Variants in C6orf89 observed in about 807,000 individuals in gnomAD.
The protein encoded by C6orf89 is bombesin receptor-activated protein C6orf89.
C6orf89 carries 29 observed loss-of-function variants against 40.7 expected under a neutral mutation model. That is an observed-to-expected ratio of 0.71 (90% CI 0.53 to 0.97). The LOEUF is 0.97. Among genes scored for constraint, C6orf89 ranks in the 50% least tolerant of loss-of-function variants. The pLI, the probability that C6orf89 is intolerant of heterozygous loss-of-function variation, is 0.00. For missense variants in C6orf89, 392 were observed against 429.1 expected, an observed-to-expected ratio of 0.91 and a Z score of 0.76; for synonymous variants, 165 against 152.2, an observed-to-expected ratio of 1.08 and a Z score of -0.62.
At chr6:36,894,626 A>G (rs1761355058) in intron 2 of C6orf89, 23 bp downstream of exon 2, 8 of 926,644 alleles carry the variant, frequency 8.6e-6, no homozygotes, top group Non-Finnish European at 1.0e-5. Flanking sequence ...GCATGCAACA[A>G]CCCTGAAGTC....
chr6:36,907,623 A>C (rs2150701784), intron 4 of C6orf89, among the ~76,000 whole-genome samples: 1 of 152,364 alleles, frequency 6.6e-6, no homozygotes, highest in East Asian at 1.9e-4. Flanking sequence ...TACAAGTTAT[A>C]AGCTTTATTG....
chr6:36,915,546 A>G (rs1160376637), intron 6 of C6orf89, among the ~76,000 whole-genome samples: 2 of 152,190 alleles, frequency 1.3e-5, no homozygotes, highest in Non-Finnish European at 2.9e-5. Context: ...GTTGGAGACC[A>G]GCCCAGGCAA....
At chr6:36,879,674 A>G (rs899144337) in intron 2 of C6orf89, among the ~76,000 whole-genome samples, 2 of 152,166 alleles carry the variant, frequency 1.3e-5, no homozygotes, top group African/African-American at 2.4e-5. Flanking sequence ...ACCTTAGGAT[A>G]AAACACGGGC....
Position 36,923,653 on chromosome 6 carries a change from G to A in C6orf89, c.*212G>A. The A allele has an allele frequency of 1.7e-6, 1 of 588,050 alleles. No homozygotes were observed. Among genetic ancestry groups the A allele is most frequent in the South Asian group, 1.7e-5 (1 of 57,494 alleles). The allele number at this position is 588,050 out of a possible 1,614,324, so 36.4% of individuals were successfully genotyped here. A position where few individuals can be genotyped will look rare whatever the true frequency, so the allele number is the denominator to read the frequency against. On this transcript the variant is annotated 3_prime_UTR_variant, in exon 9 of 9. Transcript: ENST00000480824. Reference sequence around the variant, plus strand: ...CTGCAGGTGGCTCAGGAAGGATTCAGCCTGGCCACTTGGCTAGGACTCTGC... The same window carrying A: ...CTGCAGGTGGCTCAGGAAGGATTCAACCTGGCCACTTGGCTAGGACTCTGC...
intron 8 of C6orf89, among the ~76,000 whole-genome samples, chr6:36,922,490 C>T (rs1019699997): frequency 2.6e-5 from 4 of 152,178 alleles, no homozygotes; most frequent in South Asian, 4.1e-4. Context: ...GTTTCCTAAA[C>T]GATTCTTCAG....
Position 36,926,374 on chromosome 6 carries a change from A to G in C6orf89, c.*2933A>G, listed in dbSNP as rs943455616. On this transcript the variant is annotated 3_prime_UTR_variant, in exon 9 of 9. Transcript: ENST00000480824. Reference sequence around the variant, plus strand: ...AGGGTGAAACCCCATCTCTACTAAAAATACAAAAATTACCCAGGCGTGATG... The same window carrying G: ...AGGGTGAAACCCCATCTCTACTAAAGATACAAAAATTACCCAGGCGTGATG... 6.6e-6 allele frequency: 1 copy of G among 151,996 alleles called. No homozygotes were observed. The highest frequency in any genetic ancestry group is 1.5e-5 in the Non-Finnish European group (1 of 68,012). 9.4% of individuals were successfully genotyped at this position (151,996 alleles called of 1,614,324 possible).
intron 1 of C6orf89, among the ~76,000 whole-genome samples, chr6:36,875,832 C>A (rs1774638190): frequency 6.6e-6 from 1 of 152,222 alleles, no homozygotes; most frequent in Non-Finnish European, 1.5e-5. Context: ...ACAGCTGGTG[C>A]ACTTGTGCTC....
At chr6:36,900,724 C>T (rs796270136) in intron 3 of C6orf89, among the ~76,000 whole-genome samples, 3 of 152,270 alleles carry the variant, frequency 2.0e-5, no homozygotes, top group African/African-American at 7.2e-5. Flanking sequence ...TGGTCTCGAA[C>T]TCCTGGGCTC....
At chr6:36,889,727 ATAGT>A (rs1445308653) in intron 1 of C6orf89, among the ~76,000 whole-genome samples, 1 of 152,242 alleles carries the variant, frequency 6.6e-6, no homozygotes, top group Non-Finnish European at 1.5e-5. Context: ...AAAAAATTTG[ATAGT>A]TAAGGAAACT....
At chr6:36,917,126 G>A (rs1041188371) in intron 7 of C6orf89, among the ~76,000 whole-genome samples, 5 of 152,174 alleles carry the variant, frequency 3.3e-5, no homozygotes, top group African/African-American at 1.2e-4. Context: ...TTGTGGATAA[G>A]GAAACTGAGT....
chr6:36,876,401 T>C (rs1774652357), intron 1 of C6orf89, among the ~76,000 whole-genome samples: 1 of 152,138 alleles, frequency 6.6e-6, no homozygotes, highest in Non-Finnish European at 1.5e-5. Flanking sequence ...AATACGTAGC[T>C]GTAGGAGCGT....
intron 1 of C6orf89, among the ~76,000 whole-genome samples, chr6:36,876,720 A>T (rs1774662144): frequency 7.6e-6 from 1 of 131,210 alleles, no homozygotes; most frequent in Admixed American, 7.7e-5. Flanking sequence ...GTGAAACTCC[A>T]TCTCAAAAAA....
chr6:36,898,205 C>A (rs1761513359), intron 2 of C6orf89, among the ~76,000 whole-genome samples: 2 of 152,092 alleles, frequency 1.3e-5, no homozygotes, highest in African/African-American at 4.8e-5. Context: ...ACCTCAGCTT[C>A]CCAGGTAGCT....
At chr6:36,888,862 A>G (rs75463189) in intron 1 of C6orf89, among the ~76,000 whole-genome samples, 8,883 of 152,254 alleles carry the variant, frequency 0.058, 327 homozygotes, top group Middle Eastern at 0.15. Flanking sequence ...GGAGGAGAAT[A>G]GTTTTTAAAT....
chr6:36,918,968 G>A (rs1023842826), intron 7 of C6orf89, among the ~76,000 whole-genome samples: 1 of 152,138 alleles, frequency 6.6e-6, no homozygotes, highest in African/African-American at 2.4e-5. Context: ...GTTTTTAATC[G>A]GTAGCATGGC....
intron 4 of C6orf89, among the ~76,000 whole-genome samples, chr6:36,908,703 G>C (rs1025795538): frequency 6.6e-6 from 1 of 152,244 alleles, no homozygotes; most frequent in African/African-American, 2.4e-5. Flanking sequence ...ATCACAGGCC[G>C]AGCAGCTTAA....
In C6orf89 at chr6:36,916,534, A is replaced by G; in HGVS notation, c.785A>G (p.Lys262Arg). 6.2e-7 allele frequency: 1 copy of G among 1,614,202 alleles called. No homozygotes were observed. The highest frequency in any genetic ancestry group is 8.5e-7 in the Non-Finnish European group (1 of 1,180,034). The change falls in exon 7 of 9, where the codon AAG becomes AGG. Residue 262 changes from lysine (K) to arginine (R), a missense_variant. Physicochemically the swap from Lys to Arg is conservative, Grantham distance 26. Coordinates refer to ENST00000480824, the MANE Select transcript of C6orf89 (RefSeq NM_001286635.2). ...TTTCCAAAAGATGCCTCTTTAAACA[A>G]GTGCTCCTTTCTTCACCCAGAACCT... Reference protein sequence around the residue: ...LPFPKDASLNKCSFLHPEPVV... With the variant: ...LPFPKDASLNRCSFLHPEPVV...
At chr6:36,908,590 T>C (rs1416856356) in intron 4 of C6orf89, among the ~76,000 whole-genome samples, 1 of 152,208 alleles carries the variant, frequency 6.6e-6, no homozygotes, top group African/African-American at 2.4e-5. Flanking sequence ...ACTTAATATA[T>C]ATAAATAGAA....
chr6:36,899,753 G>T (rs1292122317), intron 3 of C6orf89, 120 bp downstream of exon 3: 1 of 990,304 alleles, frequency 1.0e-6, no homozygotes, highest in African/African-American at 1.6e-5. Context: ...GAATAAATTG[G>T]CCTTTGCTCT....
Sources: allele counts gnomAD v4.1 joint callset (sites outside exome capture counted in the v4.1 genomes callset), GRCh38; gene constraint gnomAD v4.1.1; transcripts MANE v1.5; gene names NCBI Gene and HGNC (gene_info 2026-07-23, HGNC 2026-07-21).